Variants in WWOX observed in about 807,000 individuals in gnomAD.
WWOX encodes WW domain-containing oxidoreductase.
Under a neutral mutation model 46.2 loss-of-function variants are expected in WWOX, and 69 were observed. That is an observed-to-expected ratio of 1.49 (90% CI 1.23 to 1.82). The LOEUF is 1.82. Among genes scored for constraint, WWOX ranks in the 40% most tolerant of loss-of-function variants. The pLI is 0.00. For synonymous variants in WWOX, 359 were observed against 202.6 expected (o/e 1.77, Z -6.56); for missense variants, 919 against 542.6 (o/e 1.69, Z -6.89).
chr16:78,579,361 G>A (rs1337501178), intron 8 of WWOX, among the ~76,000 whole-genome samples: 1 of 152,136 alleles, frequency 6.6e-6, no homozygotes, highest in African/African-American at 2.4e-5. Flanking sequence ...AGGCTCCAAA[G>A]GCGAAGAGAT....
intron 6 of WWOX, among the ~76,000 whole-genome samples, chr16:78,403,896 A>T (rs902787820): frequency 1.3e-5 from 2 of 152,208 alleles, no homozygotes; most frequent in Admixed American, 6.5e-5. Context: ...CTTGCACTGC[A>T]GGTCAGCCTA....
chr16:78,405,565 A>T (rs1331516378), intron 6 of WWOX, among the ~76,000 whole-genome samples: 1 of 152,210 alleles, frequency 6.6e-6, no homozygotes, highest in Admixed American at 6.5e-5. Context: ...AGACATATTG[A>T]GTAAGGGCAA....
chr16:78,346,137 C>T (rs2081090730), intron 5 of WWOX, among the ~76,000 whole-genome samples: 2 of 121,136 alleles, frequency 1.7e-5, no homozygotes, highest in African/African-American at 5.6e-5. Context: ...AGTACTTGTT[C>T]TGCATCTGGT....
chr16:78,531,476 A>G (rs930115524), intron 8 of WWOX, among the ~76,000 whole-genome samples: 5 of 152,156 alleles, frequency 3.3e-5, no homozygotes, highest in African/African-American at 1.2e-4. Context: ...CATACCAAAA[A>G]TTATCTTTTG....
At chr16:78,423,226 T>C (rs2082993293) in intron 6 of WWOX, among the ~76,000 whole-genome samples, 1 of 152,146 alleles carries the variant, frequency 6.6e-6, no homozygotes, top group African/African-American at 2.4e-5. Flanking sequence ...TCTCTTTCTT[T>C]CTCTTTCTCT....
At chr16:78,971,803 C>T (rs1321427896) in intron 8 of WWOX, among the ~76,000 whole-genome samples, 3 of 144,446 alleles carry the variant, frequency 2.1e-5, no homozygotes, top group Non-Finnish European at 4.6e-5. Flanking sequence ...ACATGCACAT[C>T]TGTTAAATGC....
At chr16:78,497,088 G>A (rs1044693638) in intron 8 of WWOX, among the ~76,000 whole-genome samples, 1 of 152,222 alleles carries the variant, frequency 6.6e-6, no homozygotes, top group Non-Finnish European at 1.5e-5. Context: ...GCCGTCTATT[G>A]TATGCCTTTT....
chr16:78,295,169 G>A (rs2079923818), intron 5 of WWOX, among the ~76,000 whole-genome samples: 1 of 152,126 alleles, frequency 6.6e-6, no homozygotes, highest in South Asian at 2.1e-4. Context: ...TTATTTTGAG[G>A]TCTTGGCTGA....
chr16:78,495,510 CTTTTT>C (rs67618109), intron 8 of WWOX, among the ~76,000 whole-genome samples: 1 of 42,614 alleles, frequency 2.3e-5, no homozygotes. Context: ...AGAAAATGGT[CTTTTT>C]TTTTTTTTTT....
At chr16:79,013,302 T>A (rs2047349637) in intron 8 of WWOX, among the ~76,000 whole-genome samples, 1 of 152,106 alleles carries the variant, frequency 6.6e-6, no homozygotes, top group South Asian at 2.1e-4. Context: ...TCATGCGCTC[T>A]GATCTGCCAG....
intron 8 of WWOX, chr16:78,551,239 G>C (rs558748599): frequency 2.6e-5 from 4 of 152,236 alleles, no homozygotes; most frequent in African/African-American, 9.6e-5. Context: ...GATTTTTGAA[G>C]AAACCTAATG....
intron 8 of WWOX, among the ~76,000 whole-genome samples, chr16:79,136,863 G>A (rs1368748768): frequency 6.6e-6 from 1 of 152,208 alleles, no homozygotes; most frequent in South Asian, 2.1e-4. Flanking sequence ...AATCATATTT[G>A]TTACATGCAA....
At chr16:79,181,046 G>C (rs568283943) in intron 8 of WWOX, among the ~76,000 whole-genome samples, 70 of 152,196 alleles carry the variant, frequency 4.6e-4, no homozygotes, top group South Asian at 1.0e-3. Flanking sequence ...ATTTAAATAA[G>C]TCAAACAATA....
At chr16:79,203,241 T>G (rs1408658826) in intron 8 of WWOX, 1 of 152,200 alleles carries the variant, frequency 6.6e-6, no homozygotes, top group South Asian at 2.1e-4. Flanking sequence ...TGAGACACTC[T>G]CCACAGTATG....
rs2045869240 is a variant in WWOX, at chr16:78,942,373, T to C, written c.1057-269235T>C. On this transcript the variant is annotated intron_variant, in intron 8 of 8. Coordinates refer to ENST00000566780, the MANE Select transcript of WWOX (RefSeq NM_016373.4). The stretch of plus-strand genomic sequence containing the variant: ...CCTCTAGCGCAGCCTACCCCTTGCA[T>C]ATTTGATACTCTCTTTTGCACTCTC... Among the ~76,000 whole-genome samples, 3 of 152,168 alleles carry C rather than the reference T, an allele frequency of 2.0e-5. No homozygotes were observed. The South Asian group carries it at 6.2e-4, about 32-fold the overall frequency.
At chr16:79,093,363 A>G (rs1339890219) in intron 8 of WWOX, among the ~76,000 whole-genome samples, 2 of 152,222 alleles carry the variant, frequency 1.3e-5, no homozygotes, top group East Asian at 3.9e-4. Flanking sequence ...TCTCATTTTA[A>G]AAAATGAGTC....
chr16:78,547,467 G>A (rs951621243), intron 8 of WWOX, among the ~76,000 whole-genome samples: 5 of 152,180 alleles, frequency 3.3e-5, no homozygotes, highest in Non-Finnish European at 5.9e-5. Context: ...TTTGCCTAGT[G>A]TTGACTGTGC....
intron 8 of WWOX, among the ~76,000 whole-genome samples, chr16:78,723,959 C>T (rs375976620): frequency 2.2e-4 from 33 of 152,140 alleles, no homozygotes; most frequent in Non-Finnish European, 3.1e-4. Flanking sequence ...TTTCACCATC[C>T]ATCCCCCCAT....
chr16:78,957,896 C>T (rs753153385), intron 8 of WWOX, among the ~76,000 whole-genome samples: 23 of 152,242 alleles, frequency 1.5e-4, no homozygotes, highest in African/African-American at 4.3e-4. Context: ...ATGACTAATC[C>T]GCCCTTTCTT....
Sources: allele counts gnomAD v4.1 joint callset (sites outside exome capture counted in the v4.1 genomes callset), GRCh38; gene constraint gnomAD v4.1.1; transcripts MANE v1.5; gene names NCBI Gene and HGNC (gene_info 2026-07-23, HGNC 2026-07-21).